LRBA: variants seen among roughly 807,000 people sequenced by gnomAD.
The protein encoded by LRBA is lipopolysaccharide-responsive and beige-like anchor protein.
A neutral mutation model predicts 330.0 loss-of-function variants in LRBA; 176 were observed. The observed-to-expected ratio is 0.53, with a 90% CI of 0.47 to 0.60. The LOEUF is 0.60. LRBA is among the 20% of genes least tolerant of loss of function. The pLI, the probability that LRBA is intolerant of heterozygous loss-of-function variation, is 0.00. For synonymous variants in LRBA, 1,230 were observed against 1,193.0 expected, an observed-to-expected ratio of 1.03 and a Z score of -0.64; for missense variants, 3,259 against 3,444.8, an observed-to-expected ratio of 0.95 and a Z score of 1.35.
chr4:150,867,676 A>G lies in LRBA; in HGVS notation c.2761T>C (p.Ser921Pro). ...GCTTTCATAAAGAAACTTACCTTTG[A>G]ATGAGTGATTGATAAAGTGTCTACC... ...VWVDTLSITH[S>P]KVTFEIHKEN... The change falls in exon 22 of 57, where the codon TCA becomes CCA. Residue 921 changes from serine (S) to proline (P), a missense_variant. By Grantham distance (74) the Ser-to-Pro change is moderately conservative. Coordinates refer to ENST00000651943, the MANE Select transcript of LRBA (RefSeq NM_001364905.1). 6.2e-7 allele frequency: 1 copy of G among 1,602,178 alleles called. No individual in the cohort carries two copies. Among genetic ancestry groups the G allele is most frequent in the Non-Finnish European group, 8.5e-7 (1 of 1,175,730 alleles).
chr4:150,639,819 GTATATATA>G (rs56731034), intron 37 of LRBA, among the ~76,000 whole-genome samples: 13 of 4,528 alleles, frequency 2.9e-3, no homozygotes, highest in South Asian at 0.013. Context: ...GTGTGTGTGT[GTATATATA>G]TATATATATA....
At chr4:151,009,587 G>T (rs553634222) in intron 2 of LRBA, among the ~76,000 whole-genome samples, 1 of 150,386 alleles carries the variant, frequency 6.6e-6, no homozygotes, top group Admixed American at 6.7e-5. Flanking sequence ...GGTGGCATAC[G>T]CCTCTAAGTC....
chr4:150,620,577 T>C (rs545873573), intron 37 of LRBA, among the ~76,000 whole-genome samples: 1 of 152,172 alleles, frequency 6.6e-6, no homozygotes, highest in South Asian at 2.1e-4. Flanking sequence ...GAACAATGAA[T>C]GGATAAAGAA....
chr4:150,466,240 G>A (rs547382497), intron 44 of LRBA, among the ~76,000 whole-genome samples: 1 of 152,218 alleles, frequency 6.6e-6, no homozygotes, highest in African/African-American at 2.4e-5. Context: ...TGTGGATAGA[G>A]AGTAGGAATT....
chr4:150,373,720 T>A (rs995831866), intron 47 of LRBA, among the ~76,000 whole-genome samples: 1 of 152,192 alleles, frequency 6.6e-6, no homozygotes, highest in Admixed American at 6.5e-5. Context: ...CAGAAGAGTA[T>A]CTGGCTGGCC....
intron 37 of LRBA, among the ~76,000 whole-genome samples, chr4:150,604,620 CA>C (rs367742515): frequency 0.019 from 2,860 of 152,106 alleles, 86 homozygotes; most frequent in African/African-American, 0.066. Flanking sequence ...AATAAGAATT[CA>C]AAAAAGTATG....
intron 35 of LRBA, among the ~76,000 whole-genome samples, chr4:150,743,548 A>G (rs1301486824): frequency 6.6e-6 from 1 of 152,226 alleles, no homozygotes; most frequent in African/African-American, 2.4e-5. Flanking sequence ...ATTGCCAATA[A>G]TCTAGAACAG....
At chr4:150,528,855 T>C (rs905229263) in intron 40 of LRBA, among the ~76,000 whole-genome samples, 1 of 152,114 alleles carries the variant, frequency 6.6e-6, no homozygotes, top group African/African-American at 2.4e-5. Flanking sequence ...GCAAATACAG[T>C]TGCAAAATAA....
chr4:150,984,075 A>G (rs1741162173), intron 2 of LRBA, among the ~76,000 whole-genome samples: 1 of 152,214 alleles, frequency 6.6e-6, no homozygotes, highest in African/African-American at 2.4e-5. Context: ...AGTTAGTTCA[A>G]ATCTTTCTGA....
intron 47 of LRBA, among the ~76,000 whole-genome samples, chr4:150,370,375 G>A (rs1374215138): frequency 6.6e-6 from 1 of 152,080 alleles, no homozygotes; most frequent in Non-Finnish European, 1.5e-5. Flanking sequence ...GAGCTATCAA[G>A]TCACACAAAG....
At chr4:150,726,992 A>AG (rs397948868) in intron 36 of LRBA, among the ~76,000 whole-genome samples, 1 of 150,946 alleles carries the variant, frequency 6.6e-6, no homozygotes. Flanking sequence ...AAAAAAAAAA[A>AG]TCAAAAAAGA....
chr4:150,410,692 G>A lies in LRBA; in HGVS notation c.7194+4746C>T, dbSNP rs1171027505. 6.6e-5 allele frequency among the ~76,000 whole-genome samples: 10 copies of A among 152,220 alleles called. No individual in the cohort carries two copies. The East Asian group carries it at 1.7e-3, about 27-fold the overall frequency. ...ATAGGGATATTGTCTCTTATTCATC[G>A]AATCTAATAGTGCTGGTCCATAAGC... On this transcript the variant is annotated intron_variant, in intron 47 of 56. Coordinates refer to ENST00000651943, the MANE Select transcript of LRBA (RefSeq NM_001364905.1).
At chr4:150,480,640 T>C (rs781131649) in intron 42 of LRBA, among the ~76,000 whole-genome samples, 4 of 152,154 alleles carry the variant, frequency 2.6e-5, no homozygotes, top group Non-Finnish European at 5.9e-5. Context: ...TATTTTTAAA[T>C]ATGCTTAGAA....
intron 44 of LRBA, among the ~76,000 whole-genome samples, chr4:150,464,665 C>T (rs546520920): frequency 7.9e-5 from 12 of 152,062 alleles, no homozygotes; most frequent in African/African-American, 2.9e-4. Context: ...CTCCTTCATA[C>T]GTTTGTGGTC....
chr4:150,869,893 G>A (rs998360567), intron 20 of LRBA, among the ~76,000 whole-genome samples: 5 of 152,016 alleles, frequency 3.3e-5, no homozygotes, highest in African/African-American at 1.2e-4. Flanking sequence ...ATGACATCAC[G>A]TTTCTCTGAA....
intron 48 of LRBA, among the ~76,000 whole-genome samples, chr4:150,327,006 C>G (rs893769373): frequency 6.6e-6 from 1 of 151,930 alleles, no homozygotes; most frequent in East Asian, 1.9e-4. Flanking sequence ...CAAGAACAAG[C>G]TTGAGAAAAA....
intron 51 of LRBA, chr4:150,315,244 A>G (rs1731565766): frequency 2.5e-6 from 1 of 392,794 alleles, no homozygotes. Context: ...CCTGCTCATC[A>G]ACAAGTCTGA....
At chr4:150,332,142 C>G (rs1734077079) in intron 48 of LRBA, among the ~76,000 whole-genome samples, 1 of 152,188 alleles carries the variant, frequency 6.6e-6, no homozygotes, top group Non-Finnish European at 1.5e-5. Flanking sequence ...ATGTTACCAA[C>G]TACTCATCTT....
At chr4:150,930,252 T>C (rs754605974) in intron 2 of LRBA, among the ~76,000 whole-genome samples, 14 of 151,960 alleles carry the variant, frequency 9.2e-5, no homozygotes, top group Non-Finnish European at 2.1e-4. Flanking sequence ...GTGGCAGAGA[T>C]TGCAGTGAGC....
Sources: gnomAD v4.1 joint callset for allele counts (sites outside exome capture counted in the v4.1 genomes callset) on GRCh38, gnomAD v4.1.1 for gene constraint, MANE v1.5 for transcripts, NCBI Gene and HGNC (gene_info 2026-07-23, HGNC 2026-07-21) for gene names.